Variants in GRIA1 observed in about 807,000 individuals in gnomAD.
The protein encoded by GRIA1 is glutamate ionotropic receptor AMPA type subunit 1.
GRIA1 carries 31 observed loss-of-function variants against 99.2 expected under a neutral mutation model. The observed-to-expected ratio is 0.31, with a 90% CI of 0.23 to 0.42. The LOEUF (loss-of-function observed/expected upper bound fraction) is 0.42, where lower values mean the gene tolerates loss of function less well. GRIA1 is among the 10% of genes least tolerant of loss of function. GRIA1 has a pLI of 1.00. For missense variants in GRIA1, 782 were observed against 1,157.5 expected (o/e 0.68, Z 4.71); for synonymous variants, 438 against 432.4 (o/e 1.01, Z -0.16).
At chr5:153,699,615 TC>T (rs1165814811) in intron 10 of GRIA1, among the ~76,000 whole-genome samples, 5 of 152,178 alleles carry the variant, frequency 3.3e-5, no homozygotes, top group African/African-American at 1.2e-4. Context: ...TGTGTTTCTT[TC>T]TTTCTTCTCA....
chr5:153,526,834 A>T lies in GRIA1; in HGVS notation c.220+32769A>T, dbSNP rs373297282. On this transcript the variant is annotated intron_variant, in intron 2 of 15. Coordinates refer to ENST00000285900, the MANE Select transcript of GRIA1 (RefSeq NM_000827.4). ...TCAGGCAAAGCTGATGTCCCTGCTG[A>T]GCTCAGCCACTTATCAGCTTCATGA... is the stretch of plus-strand genomic sequence containing the variant. Among the ~76,000 whole-genome samples the T allele has an allele frequency of 1.2e-4, 18 of 152,348 alleles. No homozygotes were observed. In the East Asian group the frequency reaches 2.1e-3, roughly 18 times the overall value.
intron 2 of GRIA1, among the ~76,000 whole-genome samples, chr5:153,499,613 CAAAAAAAAAAAAA>C (rs70976100): frequency 1.7e-4 from 7 of 42,126 alleles, no homozygotes; most frequent in Non-Finnish European, 2.4e-4. Context: ...GAATTTGTCT[CAAAAAAAAAAAAA>C]AAAAAAAAAA....
chr5:153,568,542 T>A (rs1761852740), intron 2 of GRIA1, among the ~76,000 whole-genome samples: 1 of 152,152 alleles, frequency 6.6e-6, no homozygotes, highest in African/African-American at 2.4e-5. Flanking sequence ...AATGATGGTG[T>A]CATCATTAAG....
chr5:153,689,250 C>T (rs1308846620), intron 8 of GRIA1, among the ~76,000 whole-genome samples: 1 of 152,096 alleles, frequency 6.6e-6, no homozygotes, highest in African/African-American at 2.4e-5. Flanking sequence ...ACAATGAAAA[C>T]ATAGATGCAG....
At chr5:153,516,205 G>C (rs1756615774) in intron 2 of GRIA1, among the ~76,000 whole-genome samples, 1 of 152,058 alleles carries the variant, frequency 6.6e-6, no homozygotes, top group African/African-American at 2.4e-5. Context: ...GGGCAACCGA[G>C]TGAGACTCTG....
At chr5:153,741,904 A>C (rs991844779) in intron 11 of GRIA1, among the ~76,000 whole-genome samples, 1 of 150,780 alleles carries the variant, frequency 6.6e-6, no homozygotes, top group African/African-American at 2.4e-5. Context: ...CATGTTAAGC[A>C]TTCTTAACGT....
intron 2 of GRIA1, among the ~76,000 whole-genome samples, chr5:153,498,478 A>T (rs1754653956): frequency 6.6e-6 from 1 of 152,232 alleles, no homozygotes; most frequent in African/African-American, 2.4e-5. Flanking sequence ...TACACAGCAT[A>T]AAAATGTTCA....
At chr5:153,731,212 C>G (rs1760992252) in intron 11 of GRIA1, among the ~76,000 whole-genome samples, 1 of 151,646 alleles carries the variant, frequency 6.6e-6, no homozygotes, top group African/African-American at 2.4e-5. Context: ...CTCTCTCTTT[C>G]TCTCTGTCTC....
intron 11 of GRIA1, among the ~76,000 whole-genome samples, chr5:153,755,200 T>G (rs1266244582): frequency 6.6e-6 from 1 of 152,164 alleles, no homozygotes; most frequent in Non-Finnish European, 1.5e-5. Context: ...TTCCAAGTGT[T>G]AAGAGAAAAG....
intron 2 of GRIA1, among the ~76,000 whole-genome samples, chr5:153,501,140 A>T (rs1754977018): frequency 6.6e-6 from 1 of 152,198 alleles, no homozygotes; most frequent in Non-Finnish European, 1.5e-5. Context: ...CGCATTCTGT[A>T]TGCAAATGCT....
chr5:153,502,943 A>G (rs781221226), intron 2 of GRIA1, among the ~76,000 whole-genome samples: 4 of 152,140 alleles, frequency 2.6e-5, no homozygotes, highest in Non-Finnish European at 5.9e-5. Context: ...CCTTTTTTGA[A>G]CCTAACAATT....
chr5:153,528,173 CAT>C (rs1757778733), intron 2 of GRIA1, among the ~76,000 whole-genome samples: 1 of 152,122 alleles, frequency 6.6e-6, no homozygotes, highest in South Asian at 2.1e-4. Flanking sequence ...TTTCTCAAAA[CAT>C]ATAGACATTA....
chr5:153,752,410 C>T (rs1324785799), intron 11 of GRIA1, among the ~76,000 whole-genome samples: 1 of 152,118 alleles, frequency 6.6e-6, no homozygotes, highest in African/African-American at 2.4e-5. Flanking sequence ...TACTTTCTTA[C>T]TTGTCATGTA....
intron 2 of GRIA1, among the ~76,000 whole-genome samples, chr5:153,574,765 G>A (rs1358265396): frequency 6.6e-6 from 1 of 152,092 alleles, no homozygotes; most frequent in East Asian, 1.9e-4. Context: ...ATAAAGATGG[G>A]AGTGAGAGAA....
chr5:153,666,340 G>A (rs1011717356), intron 5 of GRIA1, among the ~76,000 whole-genome samples: 1 of 152,190 alleles, frequency 6.6e-6, no homozygotes, highest in Non-Finnish European at 1.5e-5. Flanking sequence ...CGTTCAAAGA[G>A]AAAGCTAGGA....
intron 2 of GRIA1, among the ~76,000 whole-genome samples, chr5:153,640,640 A>T (rs1180529218): frequency 2.6e-5 from 4 of 152,180 alleles, no homozygotes; most frequent in Non-Finnish European, 5.9e-5. Flanking sequence ...AGCAGTTATG[A>T]TCATTTATCC....
intron 2 of GRIA1, among the ~76,000 whole-genome samples, chr5:153,580,813 G>T (rs1013445170): frequency 3.9e-5 from 6 of 152,130 alleles, no homozygotes; most frequent in Non-Finnish European, 8.8e-5. Context: ...ACTGTCTGCT[G>T]CTCAGGTTCC....
intron 2 of GRIA1, among the ~76,000 whole-genome samples, chr5:153,603,865 G>T (rs1031589297): frequency 6.6e-6 from 1 of 152,124 alleles, no homozygotes. Flanking sequence ...CATACCACAG[G>T]GATGTTGTGA....
At chr5:153,537,796 T>C (rs1758719878) in intron 2 of GRIA1, among the ~76,000 whole-genome samples, 2 of 152,214 alleles carry the variant, frequency 1.3e-5, no homozygotes, top group South Asian at 4.1e-4. Flanking sequence ...TCAGCCCTTT[T>C]ATCTGCAGGT....
Sources: allele counts gnomAD v4.1 joint callset (sites outside exome capture counted in the v4.1 genomes callset), GRCh38; gene constraint gnomAD v4.1.1; transcripts MANE v1.5; gene names NCBI Gene and HGNC (gene_info 2026-07-23, HGNC 2026-07-21).